The following RANBP2 variants were observed in gnomAD, a reference collection of about 807,000 sequenced individuals.
RANBP2 encodes E3 SUMO-protein ligase RanBP2.
Under a neutral mutation model 303.6 loss-of-function variants are expected in RANBP2, and 57 were observed. The observed-to-expected ratio is 0.19, with a 90% CI of 0.15 to 0.23. The LOEUF (loss-of-function observed/expected upper bound fraction) is 0.23, where lower values mean the gene tolerates loss of function less well. Ranked by LOEUF, RANBP2 falls within the 10% of genes least tolerant of loss-of-function variation. RANBP2 has a pLI of 1.00. For synonymous variants in RANBP2, 1,167 were observed against 1,301.5 expected (o/e 0.90, Z 2.23); for missense variants, 3,138 against 3,780.8 (o/e 0.83, Z 4.46).
the RANBP2 span, among the ~76,000 whole-genome samples, chr2:109,028,436 C>T: frequency 1.3e-5 from 2 of 152,192 alleles, no homozygotes; most frequent in African/African-American, 2.4e-5. Flanking sequence ...CCTGCTGCTG[C>T]ACCCTGGCTT....
the RANBP2 span, among the ~76,000 whole-genome samples, chr2:109,421,852 T>C: frequency 1.3e-5 from 2 of 152,212 alleles, no homozygotes; most frequent in Non-Finnish European, 2.9e-5. Context: ...CCGTTCCATG[T>C]GTGTTCATGG....
chr2:109,071,923 A>G, the RANBP2 span, among the ~76,000 whole-genome samples: 1 of 152,272 alleles, frequency 6.6e-6, no homozygotes, highest in South Asian at 2.1e-4. Flanking sequence ...ATAGGAGGAA[A>G]AGCAAAAGGG....
chr2:108,872,635 G>A, the RANBP2 span, among the ~76,000 whole-genome samples: 2 of 152,082 alleles, frequency 1.3e-5, no homozygotes, highest in African/African-American at 4.8e-5. Context: ...GCTTCTTGTT[G>A]CATCATCACC....
chr2:108,747,818 C>G (rs1413130449), intron 8 of RANBP2, among the ~76,000 whole-genome samples: 1 of 152,108 alleles, frequency 6.6e-6, no homozygotes, highest in African/African-American at 2.4e-5. Context: ...ATTCATATAC[C>G]ATACGCTTCA....
At chr2:109,667,486 G>A in the RANBP2 span, among the ~76,000 whole-genome samples, 1 of 152,176 alleles carries the variant, frequency 6.6e-6, no homozygotes, top group Non-Finnish European at 1.5e-5. Flanking sequence ...TCTGCCCTGT[G>A]CATTTTAATG....
At chr2:109,546,784 A>C in the RANBP2 span, among the ~76,000 whole-genome samples, 2 of 152,342 alleles carry the variant, frequency 1.3e-5, no homozygotes, top group East Asian at 3.9e-4. Flanking sequence ...TCTAGGCTTA[A>C]AAAAATCCTA....
At chr2:109,390,077 G>A in the RANBP2 span, among the ~76,000 whole-genome samples, 1 of 152,176 alleles carries the variant, frequency 6.6e-6, no homozygotes, top group Non-Finnish European at 1.5e-5. Flanking sequence ...CACCCCACCG[G>A]AGGGACTCGC....
chr2:108,912,746 C>T, the RANBP2 span: 26 of 1,598,806 alleles, frequency 1.6e-5, no homozygotes, highest in Non-Finnish European at 2.0e-5. Context: ...GGCAGAAGCT[C>T]CTGAAGTGGC....
the RANBP2 span, among the ~76,000 whole-genome samples, chr2:109,663,371 CAT>C: frequency 2.6e-5 from 4 of 152,202 alleles, no homozygotes; most frequent in African/African-American, 7.2e-5. Context: ...GTGTTTCATT[CAT>C]TTGTGCATTC....
At chr2:109,593,916 ATTAAGT>A in the RANBP2 span, among the ~76,000 whole-genome samples, 6 of 152,320 alleles carry the variant, frequency 3.9e-5, no homozygotes, top group East Asian at 1.9e-4. Context: ...ATGCTAGCTC[ATTAAGT>A]TTATTTTCTT....
chr2:108,821,139 C>T, the RANBP2 span, among the ~76,000 whole-genome samples: 2 of 152,146 alleles, frequency 1.3e-5, no homozygotes, highest in Non-Finnish European at 2.9e-5. Context: ...AGGTGGATCA[C>T]CTGAGGTCAG....
the RANBP2 span, among the ~76,000 whole-genome samples, chr2:109,452,655 C>G: frequency 2.0e-5 from 3 of 152,200 alleles, no homozygotes; most frequent in African/African-American, 4.8e-5. Context: ...GAAGAAGCCC[C>G]AAAACCAGCT....
At chr2:109,157,190 T>C in the RANBP2 span, among the ~76,000 whole-genome samples, 1 of 152,168 alleles carries the variant, frequency 6.6e-6, no homozygotes, top group Non-Finnish European at 1.5e-5. Context: ...GATCATAGTA[T>C]TGACTGGGGA....
chr2:109,457,766 A>G, the RANBP2 span, among the ~76,000 whole-genome samples: 4 of 152,224 alleles, frequency 2.6e-5, no homozygotes, highest in Non-Finnish European at 5.9e-5. Context: ...CCAGCCGTCC[A>G]TGCCCAGAAA....
the RANBP2 span, among the ~76,000 whole-genome samples, chr2:109,173,332 C>A: frequency 2.0e-5 from 3 of 152,114 alleles, no homozygotes; most frequent in African/African-American, 7.2e-5. Flanking sequence ...CCTTCCTGTG[C>A]TCTGCCCGTT....
chr2:109,199,612 T>TCAACCCGAGTGCA, the RANBP2 span, among the ~76,000 whole-genome samples: 2 of 336 alleles, frequency 6.0e-3, no homozygotes, highest in African/African-American at 8.8e-3. Flanking sequence ...TGGAATGGAA[T>TCAACCCGAGTGCA]GGAATGGAAT....
intron 1 of RANBP2, among the ~76,000 whole-genome samples, chr2:108,728,596 A>ATGATGG (rs1169213478): frequency 0.045 from 165 of 3,648 alleles, no homozygotes; most frequent in African/African-American, 0.048. Context: ...CAGCTTATTT[A>ATGATGG]TGATGATGAT....
chr2:108,994,672 C>T, the RANBP2 span, among the ~76,000 whole-genome samples: 57 of 151,956 alleles, frequency 3.8e-4, no homozygotes, highest in Admixed American at 3.5e-3. Flanking sequence ...TATCATAAAT[C>T]ATGGCTCCGG....
chr2:109,083,855 A>T, the RANBP2 span, among the ~76,000 whole-genome samples: 1 of 151,776 alleles, frequency 6.6e-6, no homozygotes, highest in East Asian at 1.9e-4. Context: ...AACATTTTTC[A>T]ATTTCCCTCG....
Sources: allele counts gnomAD v4.1 joint callset (sites outside exome capture counted in the v4.1 genomes callset), GRCh38; gene constraint gnomAD v4.1.1; transcripts MANE v1.5; gene names NCBI Gene and HGNC (gene_info 2026-07-23, HGNC 2026-07-21).